Variants in HIBCH observed in about 807,000 individuals in gnomAD.
HIBCH encodes 3-hydroxyisobutyryl-CoA hydrolase, mitochondrial.
Under a neutral mutation model 58.2 loss-of-function variants are expected in HIBCH, and 50 were observed. That is an observed-to-expected ratio of 0.86 (90% CI 0.68 to 1.09). The LOEUF (loss-of-function observed/expected upper bound fraction) is 1.09. HIBCH is among the 50% of genes least tolerant of loss of function. The pLI, the probability that HIBCH is intolerant of heterozygous loss-of-function variation, is 0.00. For synonymous variants in HIBCH, 151 were observed against 146.9 expected (o/e 1.03, Z -0.20); for missense variants, 450 against 449.7 (o/e 1.00, Z -0.01).
chr2:190,233,693 C>T (rs976497979), intron 11 of HIBCH, among the ~76,000 whole-genome samples: 2 of 152,060 alleles, frequency 1.3e-5, no homozygotes, highest in Non-Finnish European at 2.9e-5. Flanking sequence ...AGGAGGATTC[C>T]TACAAATTAA....
Position 190,313,923 on chromosome 2 carries a change from C to A in HIBCH, c.36-3127G>T, listed in dbSNP as rs73981051. 1.4e-3 allele frequency among the ~76,000 whole-genome samples: 213 copies of A among 152,204 alleles called. 1 individual carries two copies. The highest frequency in any genetic ancestry group is 4.9e-3 in the African/African-American group (204 of 41,548). On this transcript the variant is annotated intron_variant, in intron 1 of 13. Coordinates refer to ENST00000359678, the MANE Select transcript of HIBCH (RefSeq NM_014362.4). Reference sequence around the variant, plus strand: ...CTTTTAAAGTGTGAACTACACTACCCTAAAACACCACGTCTAAAATGTTTT... The same window carrying A: ...CTTTTAAAGTGTGAACTACACTACCATAAAACACCACGTCTAAAATGTTTT...
chr2:190,288,873 A>G (rs1282160963), intron 5 of HIBCH, among the ~76,000 whole-genome samples: 1 of 152,144 alleles, frequency 6.6e-6, no homozygotes, highest in African/African-American at 2.4e-5. Flanking sequence ...GTACTTTGGG[A>G]GGCCGGGGCA....
At chr2:190,229,560 A>C (rs1686027070) in intron 11 of HIBCH, among the ~76,000 whole-genome samples, 1 of 152,260 alleles carries the variant, frequency 6.6e-6, no homozygotes, top group Admixed American at 6.5e-5. Context: ...AGCAAGCCAC[A>C]GATGGCAACC....
intron 1 of HIBCH, among the ~76,000 whole-genome samples, chr2:190,192,955 A>G (rs965172019): frequency 6.6e-6 from 1 of 152,100 alleles, no homozygotes; most frequent in African/African-American, 2.4e-5. Context: ...TCATCTGCAA[A>G]TAATGGCAGT....
intron 8 of HIBCH, 136 bp from the exon 9 acceptor site, chr2:190,249,862 G>T: frequency 1.5e-6 from 1 of 671,986 alleles, no homozygotes; most frequent in Non-Finnish European, 2.7e-6. Flanking sequence ...ATCACTGAAA[G>T]AAATTTTGAC....
rs1690350307 is a variant in HIBCH, at chr2:190,204,841, G to A, written c.*276C>T. Reference sequence around the variant, plus strand: ...GACAGTAAATAATTAGGCTTTGTAGGCTTTACCATCTCTATTGCAACTACT... The same window carrying A: ...GACAGTAAATAATTAGGCTTTGTAGACTTTACCATCTCTATTGCAACTACT... On this transcript the variant is annotated 3_prime_UTR_variant, in exon 14 of 14. Transcript: ENST00000359678. 1 of 355,054 alleles carries A rather than the reference G, an allele frequency of 2.8e-6. No individual in the cohort carries two copies. Among genetic ancestry groups the A allele is most frequent in the Non-Finnish European group, 5.2e-6 (1 of 191,972 alleles). 22.0% of individuals were successfully genotyped at this position (355,054 alleles called of 1,614,324 possible). A position where few individuals can be genotyped will look rare whatever the true frequency, so the allele number is the denominator to read the frequency against.
At chr2:190,263,341 G>A (rs1044071885) in intron 6 of HIBCH, among the ~76,000 whole-genome samples, 2 of 152,104 alleles carry the variant, frequency 1.3e-5, no homozygotes, top group African/African-American at 2.4e-5. Flanking sequence ...AGTAATATTT[G>A]ACAGTTGCTC....
At chr2:190,253,117 A>G (rs1164679457) in intron 7 of HIBCH, among the ~76,000 whole-genome samples, 2 of 152,118 alleles carry the variant, frequency 1.3e-5, no homozygotes, top group Non-Finnish European at 2.9e-5. Context: ...TGAACCCGAG[A>G]GGCAGAGGTT....
At chr2:190,269,992 GT>G (rs1406810045) in intron 6 of HIBCH, among the ~76,000 whole-genome samples, 1 of 151,888 alleles carries the variant, frequency 6.6e-6, no homozygotes, top group Non-Finnish European at 1.5e-5. Context: ...CCAAATGTAT[GT>G]TCTCATAAGT....
chr2:190,227,585 A>G (rs187290470), intron 11 of HIBCH, among the ~76,000 whole-genome samples: 132 of 150,752 alleles, frequency 8.8e-4, no homozygotes, highest in Middle Eastern at 3.4e-3. Flanking sequence ...CTAATTAAAC[A>G]GCAAAAGAAA....
rs1282059565 is a variant in HIBCH, at chr2:190,206,405, CAA to C, written c.1046-1175_1046-1174del. Among the ~76,000 whole-genome samples the C allele has an allele frequency of 6.6e-6, 1 of 152,196 alleles. No homozygotes were observed. The highest frequency in any genetic ancestry group is 1.9e-4 in the East Asian group (1 of 5,196). Reference sequence around the variant, plus strand: ...TCTCTCTCACTCTAAGTCTTCTGGTCAATACTACCTGTCTCCTTGAGATCCCA... The same window carrying C: ...TCTCTCTCACTCTAAGTCTTCTGGTCTACTACCTGTCTCCTTGAGATCCCA... On this transcript the variant is annotated intron_variant, in intron 13 of 13. Coordinates refer to ENST00000359678, the MANE Select transcript of HIBCH (RefSeq NM_014362.4). This position sits in a 1 kb window ranked among gnomAD's most constrained non-coding sequence, Gnocchi z 5.1.
At chr2:190,294,675 A>T (rs1377141170) in intron 3 of HIBCH, 45 bp from the exon 4 acceptor site, 1 of 1,288,294 alleles carries the variant, frequency 7.8e-7, no homozygotes, top group Admixed American at 1.7e-5. Flanking sequence ...TTATAAACAC[A>T]AACTCATTAA....
intron 7 of HIBCH, among the ~76,000 whole-genome samples, chr2:190,259,203 G>C (rs1344783071): frequency 1.3e-5 from 2 of 152,014 alleles, no homozygotes; most frequent in Admixed American, 1.3e-4. Context: ...AGATCACTTT[G>C]GGTAGTAAGA....
At position 190,254,563 on chromosome 2, in the gene HIBCH, A is replaced by G. The variant is rs1386951253; in HGVS notation, c.518-2256T>C. On this transcript the variant is annotated intron_variant, in intron 7 of 13. Transcript: ENST00000359678. The surrounding 1 kb of genome is among the most constrained non-coding windows in gnomAD (Gnocchi z 5.0). ...GAACTCTTAGATCTGCCACCTAAACAGAACCACATAGATAATAAGTATCTC... is the reference window on the plus strand; with the variant it reads ...GAACTCTTAGATCTGCCACCTAAACGGAACCACATAGATAATAAGTATCTC... Among the ~76,000 whole-genome samples the G allele has an allele frequency of 2.0e-5, 3 of 151,356 alleles. No homozygotes were observed. The highest frequency in any genetic ancestry group is 2.1e-4 in the South Asian group (1 of 4,830).
At position 190,244,883 on chromosome 2, in the gene HIBCH, T is replaced by C. The variant is rs1686559836; in HGVS notation, c.891+4A>G. On this transcript the variant is annotated splice_donor_region_variant and intron_variant, in intron 11 of 13. Transcript: ENST00000359678. Reference sequence around the variant, plus strand: ...ACTCAGGGCAGAAAGGATTCCAATATTACCTTCAATTGCTCTAGGGCAAAA... The same window carrying C: ...ACTCAGGGCAGAAAGGATTCCAATACTACCTTCAATTGCTCTAGGGCAAAA... 6.3e-7 allele frequency: 1 copy of C among 1,590,148 alleles called. No individual in the cohort carries two copies. The highest frequency in any genetic ancestry group is 8.6e-7 in the Non-Finnish European group (1 of 1,158,150).
chr2:190,199,867 T>G (rs1690162343), downstream of HIBCH: 15 of 1,613,494 alleles, frequency 9.3e-6, 1 homozygote, highest in Non-Finnish European at 1.3e-5. Flanking sequence ...TAACATGGGC[T>G]GCATGAAATC....
chr2:190,290,508 A>T (rs776827812), intron 4 of HIBCH, 23 bp from the exon 5 acceptor site: 18 of 680,224 alleles, frequency 2.6e-5, no homozygotes, highest in East Asian at 1.6e-4. Context: ...GATTACAAAT[A>T]AAAAAAAAAA....
rs981517848 is a variant in HIBCH at position 190,210,216 on chromosome 2, C to A, written c.1012-1303G>T. 1.3e-5 allele frequency among the ~76,000 whole-genome samples: 2 copies of A among 152,210 alleles called. No individual in the cohort carries two copies. The highest frequency in any genetic ancestry group is 4.8e-5 in the African/African-American group (2 of 41,456). ...TACTACACTCTAACTTCTGCCCCCACTCCTCTAAAATGGCTTGCCAAAACC... is the reference window on the plus strand; with the variant it reads ...TACTACACTCTAACTTCTGCCCCCAATCCTCTAAAATGGCTTGCCAAAACC... On this transcript the variant is annotated intron_variant, in intron 12 of 13. Transcript: ENST00000359678. The surrounding 1 kb of genome is among the most constrained non-coding windows in gnomAD (Gnocchi z 5.5).
intron 9 of HIBCH, among the ~76,000 whole-genome samples, chr2:190,247,432 C>T (rs1686642381): frequency 6.6e-6 from 1 of 152,172 alleles, no homozygotes; most frequent in African/African-American, 2.4e-5. Context: ...TCCTCATGTG[C>T]TCTGTATTCA....
Sources: allele counts gnomAD v4.1 joint callset (sites outside exome capture counted in the v4.1 genomes callset), GRCh38; gene constraint gnomAD v4.1.1; non-coding constraint Gnocchi (gnomAD v3.1); transcripts MANE v1.5; gene names NCBI Gene and HGNC (gene_info 2026-07-23, HGNC 2026-07-21).